The following TMEM182 variants were observed in gnomAD, a reference collection of about 807,000 sequenced individuals.
TMEM182 encodes the protein transmembrane protein 182.
A neutral mutation model predicts 26.8 loss-of-function variants in TMEM182; 20 were observed. That is an observed-to-expected ratio of 0.75 (90% CI 0.53 to 1.09). TMEM182 has a LOEUF of 1.09. TMEM182 is among the 50% of genes least tolerant of loss of function. The pLI, the probability that TMEM182 is intolerant of heterozygous loss-of-function variation, is 0.00. For missense variants in TMEM182, 277 were observed against 275.5 expected (o/e 1.01, Z -0.04); for synonymous variants, 109 against 102.2 (o/e 1.07, Z -0.40).
intron 3 of TMEM182, among the ~76,000 whole-genome samples, chr2:102,790,252 G>A (rs1455989387): frequency 1.3e-5 from 2 of 152,218 alleles, no homozygotes; most frequent in African/African-American, 4.8e-5. Flanking sequence ...AAGCAAGCCT[G>A]GCAAGGCCCC....
Position 102,762,428 on chromosome 2 carries a change from A to G in TMEM182, c.132+79A>G, listed in dbSNP as rs918819727. On this transcript the variant is annotated intron_variant, in intron 1 of 4. Transcript: ENST00000412401. ...ATGTATGCTCTTGAAATCAGAGAATAGTAGTGGAGTGTCTATTTCTTCATG... is the reference window on the plus strand; with the variant it reads ...ATGTATGCTCTTGAAATCAGAGAATGGTAGTGGAGTGTCTATTTCTTCATG... 3.8e-6 allele frequency: 6 copies of G among 1,577,118 alleles called. No individual in the cohort carries two copies. The African/African-American group carries it at 8.2e-5, about 21-fold the overall frequency.
chr2:102,804,438 A>G (rs1384000305), intron 4 of TMEM182, among the ~76,000 whole-genome samples: 1 of 152,224 alleles, frequency 6.6e-6, no homozygotes, highest in African/African-American at 2.4e-5. Flanking sequence ...AGTTACACCT[A>G]GAATAATAGT....
intron 3 of TMEM182, among the ~76,000 whole-genome samples, chr2:102,796,452 C>A (rs1360911566): frequency 1.3e-5 from 2 of 152,156 alleles, no homozygotes; most frequent in African/African-American, 4.8e-5. Context: ...GAAAGATAAC[C>A]TCAACCTATT....
At chr2:102,782,956 C>A (rs1288523795) in intron 3 of TMEM182, among the ~76,000 whole-genome samples, 5 of 152,072 alleles carry the variant, frequency 3.3e-5, no homozygotes, top group Non-Finnish European at 5.9e-5. Context: ...TTCATTGCTT[C>A]AAGTCTGTAC....
intron 3 of TMEM182, among the ~76,000 whole-genome samples, chr2:102,783,973 T>TA (rs145300221): frequency 0.19 from 29,127 of 152,144 alleles, 3,657 homozygotes; most frequent in Middle Eastern, 0.28. Flanking sequence ...ACACTCATCT[T>TA]ACCCTGGCTG....
At chr2:102,834,355 A>T (rs1683202373) in intron 3 of TMEM182, 2 of 984,124 alleles carry the variant, frequency 2.0e-6, no homozygotes, top group African/African-American at 1.8e-5. Context: ...ATATTGTAAC[A>T]TTTCCCTTTT....
intron 1 of TMEM182, among the ~76,000 whole-genome samples, chr2:102,746,984 G>A (rs1225150668): frequency 6.6e-6 from 1 of 152,120 alleles, no homozygotes; most frequent in Non-Finnish European, 1.5e-5. Context: ...TTTACAATTT[G>A]CTTTATGCCT....
In TMEM182 at chr2:102,762,141, T is replaced by TGGG; in HGVS notation, c.-76_-75insGGG. ...ATTATTCTTTTTTTTTTTTTTTTGC[T>TGGG]GTTGTTTCTGAGAAACTAGGTGTCT... On this transcript the variant is annotated 5_prime_UTR_variant, in exon 1 of 5. Coordinates refer to ENST00000412401, the MANE Select transcript of TMEM182 (RefSeq NM_144632.5). 1 of 1,020,338 alleles carries TGGG rather than the reference T, an allele frequency of 9.8e-7. No individual in the cohort carries two copies. Among genetic ancestry groups the TGGG allele is most frequent in the Non-Finnish European group, 1.4e-6 (1 of 702,662 alleles). 63.2% of individuals were successfully genotyped at this position (1,020,338 alleles called of 1,614,324 possible).
intron 3 of TMEM182, chr2:102,834,467 C>T: frequency 1.0e-6 from 1 of 984,054 alleles, no homozygotes; most frequent in Non-Finnish European, 1.2e-6. Flanking sequence ...TGCCAGTGCC[C>T]CATGGTCTCC....
intron 4 of TMEM182, among the ~76,000 whole-genome samples, chr2:102,798,252 T>A (rs1681967018): frequency 6.6e-6 from 1 of 152,190 alleles, no homozygotes; most frequent in Non-Finnish European, 1.5e-5. Flanking sequence ...TAGTCTCTGC[T>A]CACTGTAAGG....
intron 1 of TMEM182, among the ~76,000 whole-genome samples, chr2:102,743,408 G>A (rs1184362877): frequency 6.6e-6 from 1 of 152,140 alleles, no homozygotes; most frequent in Non-Finnish European, 1.5e-5. Context: ...AGAGGTGGGA[G>A]GATCATTCGA....
At chr2:102,761,015 A>G (rs1273196333), upstream of TMEM182, among the ~76,000 whole-genome samples, 3 of 152,206 alleles carry the variant, frequency 2.0e-5, 1 homozygote, top group Non-Finnish European at 4.4e-5. Flanking sequence ...ATCCCATGCC[A>G]CAAAAAAGAA....
chr2:102,760,146 C>T (rs913313321), upstream of TMEM182, among the ~76,000 whole-genome samples: 1 of 152,074 alleles, frequency 6.6e-6, no homozygotes, highest in East Asian at 1.9e-4. Flanking sequence ...TAGGAAAAAA[C>T]CAGAACGGAG....
chr2:102,824,959 C>A (rs531741936), intron 3 of TMEM182, among the ~76,000 whole-genome samples: 2 of 152,312 alleles, frequency 1.3e-5, no homozygotes, highest in East Asian at 3.9e-4. Context: ...ATCCTCTTTT[C>A]TTTATCAATT....
intron 3 of TMEM182, among the ~76,000 whole-genome samples, chr2:102,779,458 G>A (rs1174912114): frequency 6.6e-6 from 1 of 152,034 alleles, no homozygotes; most frequent in African/African-American, 2.4e-5. Flanking sequence ...TAGGAGACGT[G>A]AATGTTAGAC....
At position 102,816,999 on chromosome 2, in the gene TMEM182, C is replaced by G. The variant is rs1437979636; in HGVS notation, c.*2031C>G. 39 of 985,564 alleles carry G rather than the reference C, an allele frequency of 4.0e-5. No individual in the cohort carries two copies. In the South Asian group the frequency reaches 1.6e-3, roughly 40 times the overall value. 61.1% of individuals were successfully genotyped at this position (985,564 alleles called of 1,614,324 possible). ...TTGGCTGAATAGCTGATGTGTATGA[C>G]ACTTTTACACAGATTTGCACTTTGG... On this transcript the variant is annotated 3_prime_UTR_variant, in exon 5 of 5. Coordinates refer to ENST00000412401, the MANE Select transcript of TMEM182 (RefSeq NM_144632.5).
At chr2:102,771,006 C>T (rs1420499986) in intron 3 of TMEM182, among the ~76,000 whole-genome samples, 2 of 152,180 alleles carry the variant, frequency 1.3e-5, no homozygotes, top group Non-Finnish European at 2.9e-5. Context: ...CCACCTCTGG[C>T]TTGCAGATCG....
At chr2:102,781,917 C>T (rs1681182586) in intron 3 of TMEM182, among the ~76,000 whole-genome samples, 1 of 152,082 alleles carries the variant, frequency 6.6e-6, no homozygotes, top group Non-Finnish European at 1.5e-5. Flanking sequence ...GTGAAATTAT[C>T]AACAATTAGA....
chr2:102,753,674 T>G (rs1336462746), intron 1 of TMEM182, among the ~76,000 whole-genome samples: 1 of 152,166 alleles, frequency 6.6e-6, no homozygotes, highest in East Asian at 1.9e-4. Flanking sequence ...CTCAGCCAGT[T>G]CTTCATTTTT....
Sources: gnomAD v4.1 joint callset for allele counts (sites outside exome capture counted in the v4.1 genomes callset) on GRCh38, gnomAD v4.1.1 for gene constraint, MANE v1.5 for transcripts, NCBI Gene and HGNC (gene_info 2026-07-23, HGNC 2026-07-21) for gene names.